Variants in PPP3R1 observed in about 807,000 individuals in gnomAD.
PPP3R1 encodes the protein calcineurin subunit B type 1.
In PPP3R1, 5 loss-of-function variants were observed where a neutral mutation model predicts 22.6. That is an observed-to-expected ratio of 0.22 (90% CI 0.12 to 0.46). PPP3R1 has a LOEUF of 0.46. PPP3R1 is among the 20% of genes least tolerant of loss of function. The probability of loss-of-function intolerance (pLI) is 0.99; values close to 1 mark genes in which losing one functional copy is unlikely to be tolerated. For synonymous variants in PPP3R1, 56 were observed against 65.2 expected (o/e 0.86, Z 0.68); for missense variants, 61 against 203.2 (o/e 0.30, Z 4.25).
intron 3 of PPP3R1, 57 bp downstream of exon 3, chr2:68,188,457 G>A: frequency 1.6e-6 from 2 of 1,248,174 alleles, no homozygotes; most frequent in Non-Finnish European, 2.2e-6. Context: ...ACACAGAGCT[G>A]TAAGAATACA....
intron 1 of PPP3R1, chr2:68,250,859 T>G (rs2103822195): frequency 6.6e-6 from 1 of 152,324 alleles, no homozygotes; most frequent in South Asian, 2.1e-4. Context: ...AAAATCGATT[T>G]CACCAAATCG....
chr2:68,187,560 TA>T (rs1160838897), intron 3 of PPP3R1, among the ~76,000 whole-genome samples: 3 of 152,148 alleles, frequency 2.0e-5, no homozygotes, highest in African/African-American at 7.2e-5. Flanking sequence ...AAGTGCAAGA[TA>T]AAAGAACACT....
intron 2 of PPP3R1, among the ~76,000 whole-genome samples, chr2:68,198,342 CATGTATATGCATATATATGTACATATAT>C (rs1558631076): frequency 7.3e-5 from 8 of 109,896 alleles, no homozygotes; most frequent in African/African-American, 2.9e-4. Context: ...CATATATGTA[CATGTATATGCATATATATGTACATATAT>C]GTACATGTAT....
chr2:68,236,310 G>C (rs1670019642), intron 1 of PPP3R1, among the ~76,000 whole-genome samples: 2 of 152,056 alleles, frequency 1.3e-5, no homozygotes, highest in Admixed American at 6.5e-5. Flanking sequence ...ACTGTCTATA[G>C]CTGCTTCACA....
rs1674596929 is a variant in PPP3R1 at position 68,188,684 on chromosome 2, G to GC, written c.49dup (p.Ala17GlyfsTer3). ...CTTTCCTAGCCTTTTAATTTCATCC[G>GC]CATCAACTAAAAGCAAACAAAAAAG... On this transcript the variant is annotated frameshift_variant, in exon 3 of 6. Coordinates refer to ENST00000234310, the MANE Select transcript of PPP3R1 (RefSeq NM_000945.4). LOFTEE classifies it high-confidence loss of function. 6.3e-7 allele frequency: 1 copy of GC among 1,588,682 alleles called. No individual in the cohort carries two copies. The highest frequency in any genetic ancestry group is 1.2e-5 in the South Asian group (1 of 86,154).
chr2:68,206,654 A>C (rs1370875354), intron 2 of PPP3R1, among the ~76,000 whole-genome samples: 1 of 152,134 alleles, frequency 6.6e-6, no homozygotes, highest in African/African-American at 2.4e-5. Context: ...AATTTCCTTA[A>C]CCAAAGGTCA....
intron 1 of PPP3R1, among the ~76,000 whole-genome samples, chr2:68,229,738 A>T (rs1328161644): frequency 2.0e-5 from 3 of 152,124 alleles, no homozygotes; most frequent in Non-Finnish European, 4.4e-5. Context: ...TTTGCATGAT[A>T]CATCTTTCTC....
intron 1 of PPP3R1, among the ~76,000 whole-genome samples, chr2:68,245,566 G>A (rs1670219594): frequency 6.6e-6 from 1 of 152,068 alleles, no homozygotes; most frequent in Non-Finnish European, 1.5e-5. Flanking sequence ...TCACTAGGTT[G>A]GGTCATCCTT....
chr2:68,220,412 T>C (rs888880247), intron 1 of PPP3R1, among the ~76,000 whole-genome samples: 1 of 152,146 alleles, frequency 6.6e-6, no homozygotes, highest in Non-Finnish European at 1.5e-5. Flanking sequence ...TTTTGGGAGT[T>C]TGCACAGAGC....
At chr2:68,183,022 TTCA>T (rs1037492917) in intron 5 of PPP3R1, among the ~76,000 whole-genome samples, 2 of 152,204 alleles carry the variant, frequency 1.3e-5, no homozygotes, top group Admixed American at 6.5e-5. Flanking sequence ...TCTGGCGCTC[TTCA>T]TCATATTGGG....
At chr2:68,244,329 C>A (rs944980432) in intron 1 of PPP3R1, among the ~76,000 whole-genome samples, 3 of 152,086 alleles carry the variant, frequency 2.0e-5, no homozygotes, top group Non-Finnish European at 4.4e-5. Flanking sequence ...TATTTATTAC[C>A]TTGTTAACTG....
intron 2 of PPP3R1, among the ~76,000 whole-genome samples, chr2:68,191,734 A>T (rs535968568): frequency 7.2e-5 from 11 of 152,334 alleles, no homozygotes; most frequent in African/African-American, 2.6e-4. Context: ...CTGATAAAAA[A>T]GATCATATAA....
chr2:68,231,554 T>C (rs940331199), intron 1 of PPP3R1, among the ~76,000 whole-genome samples: 2 of 152,198 alleles, frequency 1.3e-5, no homozygotes, highest in Admixed American at 6.5e-5. Context: ...AGTGCTTGTT[T>C]TTCCTCAAAA....
intron 2 of PPP3R1, among the ~76,000 whole-genome samples, chr2:68,195,887 CTTTT>C (rs570571597): frequency 6.4e-5 from 9 of 141,682 alleles, no homozygotes; most frequent in African/African-American, 2.3e-4. Context: ...TTCCAACAAC[CTTTT>C]TTTTTTTTTT....
chr2:68,216,877 A>G (rs1373609637), intron 2 of PPP3R1, among the ~76,000 whole-genome samples: 1 of 151,692 alleles, frequency 6.6e-6, no homozygotes, highest in Non-Finnish European at 1.5e-5. Context: ...TATGAGTAAT[A>G]AAGAAGTCTA....
At chr2:68,197,224 C>G (rs1674800311) in intron 2 of PPP3R1, among the ~76,000 whole-genome samples, 1 of 152,148 alleles carries the variant, frequency 6.6e-6, no homozygotes, top group South Asian at 2.1e-4. Context: ...TCTTACCACC[C>G]TAGGCAACCA....
chr2:68,190,452 G>C (rs1674641234), intron 2 of PPP3R1, among the ~76,000 whole-genome samples: 1 of 152,152 alleles, frequency 6.6e-6, no homozygotes, highest in South Asian at 2.1e-4. Flanking sequence ...TGTAATCCCA[G>C]GTACTTGGGA....
chr2:68,208,941 TTTAAAAAAAATCA>T (rs1669394512), intron 2 of PPP3R1, among the ~76,000 whole-genome samples: 2 of 150,570 alleles, frequency 1.3e-5, no homozygotes, highest in African/African-American at 4.9e-5. Flanking sequence ...TTTTTTTTAA[TTTAAAAAAAATCA>T]TTAAAAAAAG....
In PPP3R1 at chr2:68,207,950, G is replaced by C. The variant is rs911608945; in HGVS notation, c.43+9142C>G. Among the ~76,000 whole-genome samples the C allele has an allele frequency of 2.0e-5, 3 of 152,210 alleles. No individual in the cohort carries two copies. In the East Asian group the frequency reaches 5.8e-4, roughly 29 times the overall value. On this transcript the variant is annotated intron_variant, in intron 2 of 5. Transcript: ENST00000234310. ...GCAGGCGGCTCGCCTGGGATCAGGA[G>C]TTCGAGACAAGCCTTGCCAACATGG...
Sources: gnomAD v4.1 joint callset for allele counts (sites outside exome capture counted in the v4.1 genomes callset) on GRCh38, gnomAD v4.1.1 for gene constraint, MANE v1.5 for transcripts, NCBI Gene and HGNC (gene_info 2026-07-23, HGNC 2026-07-21) for gene names.